Variants in DNAH17 observed in about 807,000 individuals in gnomAD.
The protein encoded by DNAH17 is dynein axonemal heavy chain 17, also known as axonemal beta dynein heavy chain 17.
A neutral mutation model predicts 485.6 loss-of-function variants in DNAH17; 376 were observed. That is an observed-to-expected ratio of 0.77 (90% confidence interval 0.71 to 0.84). The LOEUF (loss-of-function observed/expected upper bound fraction) is 0.84, where lower values mean the gene tolerates loss of function less well. Among genes scored for constraint, DNAH17 ranks in the 40% least tolerant of loss-of-function variants. The probability of loss-of-function intolerance (pLI) is 0.00; values close to 1 mark genes in which losing one functional copy is unlikely to be tolerated. For missense variants in DNAH17, 6,370 were observed against 5,839.3 expected, an observed-to-expected ratio of 1.09 and a Z score of -2.96; for synonymous variants, 3,031 against 2,405.9, an observed-to-expected ratio of 1.26 and a Z score of -7.60.
At chr17:78,566,467 ACT>A (rs1188518873) in intron 11 of DNAH17, 145 bp downstream of exon 11, 11 of 624,284 alleles carry the variant, frequency 1.8e-5, no homozygotes, top group Admixed American at 1.1e-4. Context: ...CGGCTGACTG[ACT>A]CTGAGGCACA....
chr17:78,504,880 T>A (rs561604258), intron 31 of DNAH17, among the ~76,000 whole-genome samples: 1 of 144,062 alleles, frequency 6.9e-6, no homozygotes, highest in African/African-American at 2.6e-5. Context: ...AAGGATTCAA[T>A]GATATTAACA....
At chr17:78,521,939 T>A (rs2143202565) in intron 25 of DNAH17, among the ~76,000 whole-genome samples, 1 of 152,280 alleles carries the variant, frequency 6.6e-6, no homozygotes, top group Admixed American at 6.5e-5. Context: ...TGAGTTGAGA[T>A]CGTGCCACTG....
chr17:78,566,638 G>C lies in DNAH17; in HGVS notation c.1545C>G (p.Cys515Trp), dbSNP rs558268040. Reference sequence around the variant, plus strand: ...CCTTTGCGGAGGACTTGATACAGCTGCAGTCATCAAATCCTTGGCAAAAGA... The same window carrying C: ...CCTTTGCGGAGGACTTGATACAGCTCCAGTCATCAAATCCTTGGCAAAAGA... ...ATIFCQGFDD[C>W]SCIKSSAKLL... The change falls in exon 11 of 81, where the codon TGC becomes TGG. Residue 515 changes from cysteine (C) to tryptophan (W), a missense_variant. By Grantham distance (215) the Cys-to-Trp change is radical. Coordinates refer to ENST00000389840, the MANE Select transcript of DNAH17 (RefSeq NM_173628.4). 8.7e-6 allele frequency: 14 copies of C among 1,608,962 alleles called. No individual in the cohort carries two copies. The highest frequency in any genetic ancestry group is 1.6e-4 in the Middle Eastern group (1 of 6,078).
chr17:78,548,419 T>C (rs974790428), intron 16 of DNAH17, among the ~76,000 whole-genome samples: 1 of 152,090 alleles, frequency 6.6e-6, no homozygotes, highest in Non-Finnish European at 1.5e-5. Flanking sequence ...TTAGCCAGGA[T>C]GGTCTCGATC....
chr17:78,555,792 G>A (rs2092008562), intron 14 of DNAH17, among the ~76,000 whole-genome samples: 1 of 152,208 alleles, frequency 6.6e-6, no homozygotes, highest in Non-Finnish European at 1.5e-5. Context: ...CCTCCCCAGT[G>A]TGGGTGGGTC....
intron 7 of DNAH17, among the ~76,000 whole-genome samples, chr17:78,569,740 T>C (rs182896451): frequency 2.0e-5 from 3 of 151,904 alleles, no homozygotes; most frequent in Admixed American, 1.3e-4. Flanking sequence ...CATAAATGGG[T>C]GGGGGTCGCA....
intron 43 of DNAH17, 131 bp from the exon 44 acceptor site, chr17:78,490,978 G>A: frequency 8.5e-7 from 1 of 1,174,554 alleles, no homozygotes; most frequent in Non-Finnish European, 1.2e-6. Context: ...TGCCACCCCT[G>A]GCCCACAGCC....
intron 66 of DNAH17, among the ~76,000 whole-genome samples, 200 bp from the exon 67 acceptor site, chr17:78,451,046 C>T (rs1167839534): frequency 6.6e-6 from 1 of 152,230 alleles, no homozygotes; most frequent in Non-Finnish European, 1.5e-5. Flanking sequence ...CTTGAGGCTT[C>T]CTGTCACGGA....
intron 54 of DNAH17, among the ~76,000 whole-genome samples, chr17:78,471,849 C>G (rs1362066813): frequency 6.6e-6 from 1 of 152,168 alleles, no homozygotes; most frequent in Non-Finnish European, 1.5e-5. Context: ...GCCCCCACAT[C>G]TCTACCCGCA....
intron 15 of DNAH17, 151 bp downstream of exon 15, chr17:78,552,546 G>T: frequency 2.3e-6 from 1 of 427,802 alleles, no homozygotes; most frequent in Non-Finnish European, 4.1e-6. Flanking sequence ...GCAGGCAGGT[G>T]GAAGTAACTA....
chr17:78,458,349 G>GTT, intron 62 of DNAH17: 1 of 574,972 alleles, frequency 1.7e-6, no homozygotes, highest in Non-Finnish European at 3.1e-6. Flanking sequence ...GCCAGTGTGG[G>GTT]TTACTTGGAA....
At position 78,560,784 on chromosome 17, in the gene DNAH17, G is replaced by C; in HGVS notation, c.1987C>G (p.Arg663Gly). The C allele has an allele frequency of 6.4e-7, 1 of 1,552,202 alleles. No homozygotes were observed. The highest frequency in any genetic ancestry group is 1.7e-4 in the Middle Eastern group (1 of 5,984). ...HFNLGQPLIL[R>G]DAASNLIHVN... ...TGGATGAGGTTGCTAGCGGCGTCCC[G>C]CAGAATCAGCGGCTGCCCCAGGTTA... Residue 663 changes from arginine to glycine, a missense_variant, in exon 13 of 81, where the codon CGG becomes GGG. Transcript: ENST00000389840.
chr17:78,478,677 C>T (rs1568119530), intron 51 of DNAH17, among the ~76,000 whole-genome samples: 1 of 149,180 alleles, frequency 6.7e-6, no homozygotes, highest in African/African-American at 2.5e-5. Context: ...ATCACTACCA[C>T]CATCATCACA....
At position 78,455,745 on chromosome 17, in the gene DNAH17, G is replaced by C. The variant is rs1171661131; in HGVS notation, c.10069C>G (p.Leu3357Val). 3.1e-6 allele frequency: 5 copies of C among 1,612,948 alleles called. No individual in the cohort carries two copies. In the Admixed American group the frequency reaches 6.7e-5, roughly 22 times the overall value. ...TAGGACACGAAGGCAGAGATGAGCA[G>C]GACGTCCCCACACAGCGTGACCCCC... ...SQGVTLCGDVLLISAFVSYVG... is the reference protein window; with the variant it reads ...SQGVTLCGDVVLISAFVSYVG... Residue 3357 changes from leucine (L) to valine (V), a missense_variant, in exon 63 of 81, where the codon CTG becomes GTG. By Grantham distance (32) the Leu-to-Val change is conservative (BLOSUM62 1). Coordinates refer to ENST00000389840, the MANE Select transcript of DNAH17 (RefSeq NM_173628.4).
At chr17:78,514,731 G>A in intron 26 of DNAH17, 43 bp downstream of exon 26, 1 of 1,596,118 alleles carries the variant, frequency 6.3e-7, no homozygotes, top group Non-Finnish European at 8.5e-7. Context: ...AGCAGAGCTG[G>A]CCGCCAGGGG....
intron 25 of DNAH17, among the ~76,000 whole-genome samples, chr17:78,516,901 TAAATA>T (rs908439992): frequency 1.8e-4 from 27 of 152,314 alleles, no homozygotes; most frequent in African/African-American, 6.5e-4. Context: ...TTTTAAAAAT[TAAATA>T]AAAGAAGAGA....
At chr17:78,575,610 T>C (rs2143766996) in intron 1 of DNAH17, among the ~76,000 whole-genome samples, 1 of 152,306 alleles carries the variant, frequency 6.6e-6, no homozygotes, top group South Asian at 2.1e-4. Flanking sequence ...ACTTTCACTC[T>C]GCTCTGCACC....
rs73387148 is a variant in DNAH17 at position 78,500,212 on chromosome 17, G to A, written c.5640+93C>T. 68,040 of 1,373,700 alleles carry A rather than the reference G, an allele frequency of 0.05. 2,278 individuals are homozygous for A. Among genetic ancestry groups the A allele is most frequent in the African/African-American group, 0.14 (9,835 of 68,098 alleles). The allele number at this position is 1,373,700 out of a possible 1,614,324, so 85.1% of individuals were successfully genotyped here. On this transcript the variant is annotated intron_variant, in intron 36 of 80. Transcript: ENST00000389840. ...GCCATTCACAGGTATCCAGAGATCT[G>A]GAGTTTACTGTGGGGCCTCGGAGGA...
At chr17:78,451,979 C>T (rs904490485) in intron 65 of DNAH17, among the ~76,000 whole-genome samples, 8 of 151,972 alleles carry the variant, frequency 5.3e-5, no homozygotes, top group Non-Finnish European at 2.9e-5. Context: ...TTCTGCTTGG[C>T]CTCCACCCAG....
Sources: allele counts gnomAD v4.1 joint callset (sites outside exome capture counted in the v4.1 genomes callset), GRCh38; gene constraint gnomAD v4.1.1; transcripts MANE v1.5; gene names NCBI Gene and HGNC (gene_info 2026-07-23, HGNC 2026-07-21).